RBFOX1: variants seen among roughly 807,000 people sequenced by gnomAD.
RBFOX1 encodes the protein RNA binding protein fox-1 homolog 1.
A neutral mutation model predicts 57.7 loss-of-function variants in RBFOX1; 8 were observed. That is an observed-to-expected ratio of 0.14 (90% CI 0.08 to 0.25). The LOEUF is 0.25. Ranked by LOEUF, RBFOX1 falls within the 10% of genes least tolerant of loss-of-function variation. The probability of loss-of-function intolerance (pLI) is 1.00; values close to 1 mark genes in which losing one functional copy is unlikely to be tolerated. For synonymous variants in RBFOX1, 326 were observed against 222.4 expected (o/e 1.47, Z -4.15); for missense variants, 611 against 548.5 (o/e 1.11, Z -1.14).
At chr16:5,252,424 T>C (rs925866726) in intron 1 of RBFOX1, among the ~76,000 whole-genome samples, 12 of 152,222 alleles carry the variant, frequency 7.9e-5, no homozygotes, top group African/African-American at 2.9e-4. Flanking sequence ...TGGCATCCTG[T>C]CTTTTCACTT....
intron 3 of RBFOX1, among the ~76,000 whole-genome samples, chr16:5,771,193 C>T (rs1051955253): frequency 6.6e-5 from 10 of 152,230 alleles, no homozygotes; most frequent in African/African-American, 1.9e-4. Context: ...GGGGCTACCC[C>T]ATAGGCAGAT....
At chr16:6,725,710 C>T (rs769069628) in intron 3 of RBFOX1, among the ~76,000 whole-genome samples, 8 of 152,094 alleles carry the variant, frequency 5.3e-5, no homozygotes, top group Middle Eastern at 3.2e-3. Context: ...TCTTCTAAAA[C>T]TCTATATTCA....
At chr16:7,282,031 A>AT (rs59995676) in intron 4 of RBFOX1, among the ~76,000 whole-genome samples, 19,384 of 150,840 alleles carry the variant, frequency 0.13, 1,715 homozygotes, top group South Asian at 0.24. Flanking sequence ...ACGCCTGGCA[A>AT]TTTTTTTTTG....
chr16:7,710,539 AT>A, intron 15 of RBFOX1, 83 bp from the exon 16 acceptor site: 1 of 1,585,608 alleles, frequency 6.3e-7, no homozygotes. Flanking sequence ...TTGAGTGTCT[AT>A]TTTTCACATT....
At chr16:5,806,179 G>T (rs943605234) in intron 3 of RBFOX1, among the ~76,000 whole-genome samples, 12 of 152,150 alleles carry the variant, frequency 7.9e-5, no homozygotes, top group Non-Finnish European at 1.5e-5. Flanking sequence ...TTCTTCACCA[G>T]CCACTGGAGG....
At position 6,968,555 on chromosome 16, in the gene RBFOX1, G is replaced by T. The variant is rs370125157; in HGVS notation, c.-15-83502G>T. Among the ~76,000 whole-genome samples the T allele has an allele frequency of 1.2e-3, 177 of 152,166 alleles. 9 individuals carry two copies. In the South Asian group the frequency reaches 0.036, roughly 31 times the overall value. ...TTAAAGATTTAGAAGAGGAAGTCTGGCAGGGAAAGTCTCAGAATGATGTGA... is the reference window on the plus strand; with the variant it reads ...TTAAAGATTTAGAAGAGGAAGTCTGTCAGGGAAAGTCTCAGAATGATGTGA... On this transcript the variant is annotated intron_variant, in intron 3 of 15. Transcript: ENST00000550418.
At chr16:6,003,274 C>G (rs1314545920) in intron 4 of RBFOX1, among the ~76,000 whole-genome samples, 4 of 135,984 alleles carry the variant, frequency 2.9e-5, no homozygotes, top group Non-Finnish European at 6.2e-5. Flanking sequence ...GAGCAAGACT[C>G]TGTCTCCAAA....
chr16:5,340,100 A>T (rs749669233), intron 1 of RBFOX1, among the ~76,000 whole-genome samples: 2 of 152,156 alleles, frequency 1.3e-5, no homozygotes, highest in African/African-American at 2.4e-5. Context: ...TAATTCATCC[A>T]TTTCTTTTTT....
At chr16:7,039,268 A>G (rs1269630682) in intron 3 of RBFOX1, among the ~76,000 whole-genome samples, 1 of 152,182 alleles carries the variant, frequency 6.6e-6, no homozygotes, top group South Asian at 2.1e-4. Flanking sequence ...TTTTCTACTT[A>G]GTACTTAGCC....
chr16:6,007,118 A>G (rs1196530129), intron 4 of RBFOX1, among the ~76,000 whole-genome samples: 1 of 152,148 alleles, frequency 6.6e-6, no homozygotes, highest in Non-Finnish European at 1.5e-5. Context: ...ACCCTCTAAG[A>G]TGGCACTAAA....
chr16:7,632,234 T>A (rs1296085513), intron 11 of RBFOX1, among the ~76,000 whole-genome samples: 2 of 152,176 alleles, frequency 1.3e-5, no homozygotes, highest in Admixed American at 6.5e-5. Flanking sequence ...AATGGCAATT[T>A]TGGCATTAAT....
intron 2 of RBFOX1, among the ~76,000 whole-genome samples, chr16:6,629,973 T>TTAAA (rs201032968): frequency 0.044 from 5,655 of 129,890 alleles, 159 homozygotes; most frequent in East Asian, 0.059. Flanking sequence ...TTTTTTTTTT[T>TTAAA]AAAAAAAAAA....
At chr16:5,258,827 A>G (rs2062655020) in intron 1 of RBFOX1, among the ~76,000 whole-genome samples, 1 of 152,008 alleles carries the variant, frequency 6.6e-6, no homozygotes. Context: ...GAGGCAGGAG[A>G]ATCTCTTGAA....
At chr16:6,558,371 G>A (rs1027191997) in intron 2 of RBFOX1, among the ~76,000 whole-genome samples, 1 of 152,160 alleles carries the variant, frequency 6.6e-6, no homozygotes, top group Non-Finnish European at 1.5e-5. Flanking sequence ...GCTCAGTGCA[G>A]TCTTCTCTTT....
intron 4 of RBFOX1, among the ~76,000 whole-genome samples, chr16:7,063,789 C>T (rs541406097): frequency 6.6e-6 from 1 of 152,310 alleles, no homozygotes; most frequent in South Asian, 2.1e-4. Context: ...TGGATAATAA[C>T]TGCTTACATA....
chr16:6,143,934 T>G (rs2096738020), intron 1 of RBFOX1, among the ~76,000 whole-genome samples: 1 of 149,898 alleles, frequency 6.7e-6, no homozygotes. Context: ...TAGCTGGGAC[T>G]GCAGGTGTGC....
At chr16:6,882,012 C>T (rs1483247590) in intron 3 of RBFOX1, among the ~76,000 whole-genome samples, 1 of 152,126 alleles carries the variant, frequency 6.6e-6, no homozygotes, top group Non-Finnish European at 1.5e-5. Context: ...AAACTAAAAT[C>T]ACCAAAGACT....
rs78879738 is a variant in RBFOX1 at position 6,968,185 on chromosome 16, T to C, written c.-15-83872T>C. ...GAACCCCCTCTCCGTGGGTGTCCTT[T>C]AGCTCTCTTTTCAGTTCAGAGTGAC... On this transcript the variant is annotated intron_variant, in intron 3 of 15. Transcript: ENST00000550418. Among the ~76,000 whole-genome samples the C allele has an allele frequency of 1.2e-3, 182 of 152,310 alleles. 2 individuals are homozygous for C. Among genetic ancestry groups the C allele is most frequent in the African/African-American group, 3.9e-3 (163 of 41,576 alleles).
chr16:6,031,581 ATC>A (rs1276423687), intron 1 of RBFOX1, among the ~76,000 whole-genome samples: 2 of 152,194 alleles, frequency 1.3e-5, no homozygotes, highest in Non-Finnish European at 2.9e-5. Flanking sequence ...GTGCACACAC[ATC>A]TCTGTATGTG....
Sources: allele counts gnomAD v4.1 joint callset (sites outside exome capture counted in the v4.1 genomes callset), GRCh38; gene constraint gnomAD v4.1.1; transcripts MANE v1.5; gene names NCBI Gene and HGNC (gene_info 2026-07-23, HGNC 2026-07-21).